Variants in SPIRE1 observed in about 807,000 individuals in gnomAD.
SPIRE1 encodes protein spire homolog 1.
A neutral mutation model predicts 94.1 loss-of-function variants in SPIRE1; 40 were observed. The observed-to-expected ratio is 0.43, with a 90% CI of 0.33 to 0.55. The LOEUF (loss-of-function observed/expected upper bound fraction) is 0.55, where lower values mean the gene tolerates loss of function less well. SPIRE1 is among the 20% of genes least tolerant of loss of function. The pLI is 0.06. For missense variants in SPIRE1, 838 were observed against 975.2 expected (o/e 0.86, Z 1.87); for synonymous variants, 376 against 371.7 (o/e 1.01, Z -0.13).
intron 10 of SPIRE1, among the ~76,000 whole-genome samples, chr18:12,473,905 T>C (rs2032458270): frequency 6.6e-6 from 1 of 152,220 alleles, no homozygotes; most frequent in African/African-American, 2.4e-5. Context: ...ACAGCTGATA[T>C]TGTGGAATGG....
intron 2 of SPIRE1, among the ~76,000 whole-genome samples, chr18:12,553,812 C>T (rs2035424003): frequency 6.6e-6 from 1 of 151,944 alleles, no homozygotes; most frequent in Non-Finnish European, 1.5e-5. Flanking sequence ...AACTAGAAAA[C>T]TCCAAATTAG....
chr18:12,501,072 CAAAAAAAAAAA>C (rs67894900), intron 6 of SPIRE1, among the ~76,000 whole-genome samples: 20,681 of 82,186 alleles, frequency 0.25, 1,883 homozygotes, highest in African/African-American at 0.38. Context: ...AACTCTGTCT[CAAAAAAAAAAA>C]AAAAAAAAAA....
At chr18:12,545,828 C>T (rs544719499) in intron 3 of SPIRE1, among the ~76,000 whole-genome samples, 1 of 152,096 alleles carries the variant, frequency 6.6e-6, no homozygotes, top group Admixed American at 6.6e-5. Context: ...CAGAGGTCAA[C>T]TGAAGATATA....
intron 4 of SPIRE1, among the ~76,000 whole-genome samples, chr18:12,520,711 T>C (rs1022349340): frequency 1.3e-5 from 2 of 152,116 alleles, no homozygotes; most frequent in African/African-American, 4.8e-5. Context: ...TGTTCACCAC[T>C]TGGAGGGATA....
chr18:12,605,094 G>A (rs1445141838), intron 2 of SPIRE1, among the ~76,000 whole-genome samples: 1 of 152,144 alleles, frequency 6.6e-6, no homozygotes, highest in Non-Finnish European at 1.5e-5. Context: ...GAAAAGGGGA[G>A]TTGTTATATA....
chr18:12,579,167 CCACTGAG>C (rs1266766491), intron 2 of SPIRE1, among the ~76,000 whole-genome samples: 4 of 146,384 alleles, frequency 2.7e-5, no homozygotes, highest in Non-Finnish European at 6.0e-5. Flanking sequence ...CAGGAATTTT[CCACTGAG>C]AGGAAAAAGT....
At chr18:12,479,341 A>G (rs2032754716) in intron 10 of SPIRE1, among the ~76,000 whole-genome samples, 1 of 151,522 alleles carries the variant, frequency 6.6e-6, no homozygotes, top group Non-Finnish European at 1.5e-5. Context: ...CATGTGGCTA[A>G]CTTTTTAATT....
intron 1 of SPIRE1, among the ~76,000 whole-genome samples, chr18:12,655,267 A>AG (rs2038508061): frequency 6.6e-6 from 1 of 151,852 alleles, no homozygotes; most frequent in Non-Finnish European, 1.5e-5. Flanking sequence ...AGAGAGAGAG[A>AG]AAGAGAAAGA....
chr18:12,556,474 G>T (rs2035507760), intron 2 of SPIRE1, among the ~76,000 whole-genome samples: 1 of 152,244 alleles, frequency 6.6e-6, no homozygotes, highest in African/African-American at 2.4e-5. Flanking sequence ...CTTCAAGAAT[G>T]AAGCTGCGGA....
intron 2 of SPIRE1, among the ~76,000 whole-genome samples, chr18:12,633,343 T>C (rs2037832624): frequency 6.6e-6 from 1 of 152,172 alleles, no homozygotes; most frequent in African/African-American, 2.4e-5. Context: ...GGCTCACGCC[T>C]GTAATGGTGG....
intron 14 of SPIRE1, 66 bp from the exon 15 acceptor site, chr18:12,452,578 C>A: frequency 6.7e-7 from 1 of 1,496,110 alleles, no homozygotes. Flanking sequence ...GTTAGAGAAG[C>A]CTATGGCAGT....
intron 1 of SPIRE1, among the ~76,000 whole-genome samples, chr18:12,652,279 T>C (rs1304850644): frequency 6.6e-6 from 1 of 152,194 alleles, no homozygotes; most frequent in South Asian, 2.1e-4. Flanking sequence ...CTTATGAGTA[T>C]ACAAAGAGCC....
intron 9 of SPIRE1, among the ~76,000 whole-genome samples, chr18:12,485,672 T>A (rs1014600370): frequency 6.6e-6 from 1 of 152,202 alleles, no homozygotes; most frequent in Non-Finnish European, 1.5e-5. Flanking sequence ...TAGAAGAGCC[T>A]GGACAGTGAC....
At chr18:12,630,470 C>A (rs2037744473) in intron 2 of SPIRE1, among the ~76,000 whole-genome samples, 1 of 152,128 alleles carries the variant, frequency 6.6e-6, no homozygotes, top group Non-Finnish European at 1.5e-5. Flanking sequence ...ACCAGCCTCG[C>A]CAACACGGCA....
chr18:12,463,298 T>C (rs1439451200), intron 12 of SPIRE1, 53 bp downstream of exon 12: 2 of 1,480,034 alleles, frequency 1.4e-6, no homozygotes, highest in Non-Finnish European at 1.8e-6. Context: ...AGCTAATGAT[T>C]CTATGTCTTC....
chr18:12,661,519 C>T (rs938840457), upstream of SPIRE1, among the ~76,000 whole-genome samples: 1 of 152,096 alleles, frequency 6.6e-6, no homozygotes, highest in Non-Finnish European at 1.5e-5. Flanking sequence ...TACCTGTAAT[C>T]CCAACACTTT....
chr18:12,568,377 T>C (rs2035870543), intron 2 of SPIRE1, among the ~76,000 whole-genome samples: 1 of 152,194 alleles, frequency 6.6e-6, no homozygotes, highest in Non-Finnish European at 1.5e-5. Context: ...TGCTCTACAC[T>C]TTCTCATCTC....
intron 2 of SPIRE1, among the ~76,000 whole-genome samples, chr18:12,577,829 G>C (rs189736635): frequency 6.6e-6 from 1 of 152,048 alleles, no homozygotes; most frequent in Non-Finnish European, 1.5e-5. Flanking sequence ...TCAAGAACTT[G>C]AGTCTAGAAT....
At position 12,493,117 on chromosome 18, in the gene SPIRE1, T is replaced by G. The variant is rs145251926; in HGVS notation, c.1144A>C (p.Lys382Gln). 6.2e-7 allele frequency: 1 copy of G among 1,613,722 alleles called. No individual in the cohort carries two copies. Among genetic ancestry groups the G allele is most frequent in the Non-Finnish European group, 8.5e-7 (1 of 1,179,960 alleles). Residue 382 changes from lysine (K) to glutamine (Q), a missense_variant, in exon 8 of 17, where the codon AAG (lysine) becomes CAG (glutamine). Transcript: ENST00000409402. ...TCCTCTGGTGATACAGGCCGCAGCT[T>G]TCTTTCTGCTTTAATTTCTTCTAAT... ...RILEEIKAER[K>Q]LRPVSPEEIR...
Sources: allele counts gnomAD v4.1 joint callset (sites outside exome capture counted in the v4.1 genomes callset), GRCh38; gene constraint gnomAD v4.1.1; transcripts MANE v1.5; gene names NCBI Gene and HGNC (gene_info 2026-07-23, HGNC 2026-07-21).